The following SEMA3A variants were observed in gnomAD, a reference collection of about 807,000 sequenced individuals.
SEMA3A encodes the protein semaphorin 3A.
In SEMA3A, 29 loss-of-function variants were observed where a neutral mutation model predicts 97.9. The observed-to-expected ratio is 0.30, with a 90% CI of 0.22 to 0.40. The LOEUF (loss-of-function observed/expected upper bound fraction) is 0.40, where lower values mean the gene tolerates loss of function less well. Among genes scored for constraint, SEMA3A ranks in the 10% least tolerant of loss-of-function variants. The pLI is 1.00. For synonymous variants in SEMA3A, 321 were observed against 323.7 expected, an observed-to-expected ratio of 0.99 and a Z score of 0.09; for missense variants, 763 against 951.3, an observed-to-expected ratio of 0.80 and a Z score of 2.60.
At chr7:84,477,306 G>A (rs1806315935) in intron 1 of SEMA3A, among the ~76,000 whole-genome samples, 1 of 150,276 alleles carries the variant, frequency 6.7e-6, no homozygotes, top group African/African-American at 2.4e-5. Context: ...AGGCATGGTG[G>A]AGGGCACCTG....
chr7:84,158,015 C>T (rs1299139616), intron 1 of SEMA3A, among the ~76,000 whole-genome samples: 1 of 152,130 alleles, frequency 6.6e-6, no homozygotes, highest in African/African-American at 2.4e-5. Flanking sequence ...TCTTTCCTTA[C>T]ACTTAGAGAT....
At chr7:84,172,615 A>G (rs1157784494) in intron 1 of SEMA3A, among the ~76,000 whole-genome samples, 4 of 151,512 alleles carry the variant, frequency 2.6e-5, no homozygotes, top group Admixed American at 2.6e-4. Flanking sequence ...TTCAGTAGAG[A>G]CGGGGTTTCA....
intron 1 of SEMA3A, 46 bp downstream of exon 1, chr7:84,194,429 G>C: frequency 3.2e-6 from 4 of 1,257,206 alleles, no homozygotes; most frequent in Non-Finnish European, 4.6e-6. Flanking sequence ...TAAGGGGGGG[G>C]GCGGTTATTA....
intron 2 of SEMA3A, among the ~76,000 whole-genome samples, chr7:84,342,270 G>C (rs897196811): frequency 6.6e-6 from 1 of 152,110 alleles, no homozygotes; most frequent in Non-Finnish European, 1.5e-5. Flanking sequence ...CCCGAGCTCA[G>C]GTGATCTGCC....
rs2272221 is a variant in SEMA3A at position 84,014,371 on chromosome 7, G to A, written c.668-20C>T. On this transcript the variant is annotated intron_variant, in intron 6 of 16. Transcript: ENST00000265362. ...TTGGATCTGAGAGACAAATAATAGC[G>A]TATATATTAATTCACAGCTTAATAA... 0.34 allele frequency: 524,962 copies of A among 1,560,980 alleles called. 95,444 individuals carry two copies. The highest frequency in any genetic ancestry group is 0.69 in the African/African-American group (50,453 of 72,686).
chr7:84,258,337 G>A (rs1260549953), intron 3 of SEMA3A, among the ~76,000 whole-genome samples: 1 of 152,088 alleles, frequency 6.6e-6, no homozygotes, highest in African/African-American at 2.4e-5. Flanking sequence ...TGTATAATAG[G>A]TATTCATGGA....
At chr7:84,408,788 G>A (rs1318334178) in intron 1 of SEMA3A, among the ~76,000 whole-genome samples, 11 of 151,368 alleles carry the variant, frequency 7.3e-5, no homozygotes, top group South Asian at 2.1e-4. Context: ...GCAAACTATC[G>A]CAAGGACAAA....
intron 3 of SEMA3A, among the ~76,000 whole-genome samples, chr7:84,237,473 G>A (rs1799261659): frequency 6.6e-6 from 1 of 152,078 alleles, no homozygotes; most frequent in African/African-American, 2.4e-5. Context: ...AGAAGGGAGA[G>A]GAGGAAGGAG....
chr7:84,090,961 G>A (rs539996968), intron 4 of SEMA3A, among the ~76,000 whole-genome samples: 2 of 151,346 alleles, frequency 1.3e-5, no homozygotes, highest in South Asian at 2.1e-4. Flanking sequence ...CAACTACTCA[G>A]GAGGCTGAGG....
chr7:84,361,232 C>A (rs904567229), intron 2 of SEMA3A, among the ~76,000 whole-genome samples: 2 of 151,940 alleles, frequency 1.3e-5, no homozygotes, highest in African/African-American at 4.8e-5. Context: ...AGAGACAAAC[C>A]AGGAACATGT....
At chr7:84,212,639 G>C (rs936217157) in intron 3 of SEMA3A, among the ~76,000 whole-genome samples, 10 of 152,240 alleles carry the variant, frequency 6.6e-5, no homozygotes, top group African/African-American at 2.2e-4. Context: ...TCCTCTGTTG[G>C]AGAACTGATA....
At position 84,007,379 on chromosome 7, in the gene SEMA3A, T is replaced by G; in HGVS notation, c.1114A>C (p.Arg372=). ...GTTCCTGGCCGTGGATAGGGGACTC[T>G]TCCTTGATAAGGCACCCATTGATAG... ...PNYQWVPYQG[R]VPYPRPGTCP... The change falls in exon 10 of 17, where the codon AGA becomes CGA. Residue 372 remains arginine, a synonymous_variant. Transcript: ENST00000265362. The G allele has an allele frequency of 1.2e-6, 2 of 1,608,700 alleles. No homozygotes were observed. Among genetic ancestry groups the G allele is most frequent in the Non-Finnish European group, 1.7e-6 (2 of 1,177,444 alleles).
intron 2 of SEMA3A, among the ~76,000 whole-genome samples, chr7:84,315,175 G>A (rs1238283520): frequency 6.6e-6 from 1 of 152,044 alleles, no homozygotes; most frequent in Non-Finnish European, 1.5e-5. Context: ...GATTATAAAT[G>A]TAATCAGTAA....
chr7:84,095,034 T>TAC lies in SEMA3A; in HGVS notation c.453+15434_453+15435dup, dbSNP rs201130876. 3.7e-3 allele frequency among the ~76,000 whole-genome samples: 546 copies of TAC among 148,510 alleles called. 7 individuals are homozygous for TAC. Among genetic ancestry groups the TAC allele is most frequent in the African/African-American group, 0.011 (437 of 40,678 alleles). ...CCCACCATGAGTAAACATACACACT[T>TAC]ACACACACACACACACAAAATATAT... On this transcript the variant is annotated intron_variant, in intron 4 of 16. Transcript: ENST00000265362.
intron 12 of SEMA3A, among the ~76,000 whole-genome samples, chr7:83,998,949 A>G (rs1206288235): frequency 2.0e-5 from 3 of 152,142 alleles, no homozygotes; most frequent in Non-Finnish European, 2.9e-5. Context: ...TGATATCTCT[A>G]TATTATAGGA....
chr7:84,233,717 T>C (rs1389224207), intron 3 of SEMA3A, among the ~76,000 whole-genome samples: 1 of 152,032 alleles, frequency 6.6e-6, no homozygotes, highest in South Asian at 2.1e-4. Context: ...GAGTAGATTC[T>C]TCCTACTGTT....
At chr7:84,157,164 CA>C (rs756498247) in intron 1 of SEMA3A, among the ~76,000 whole-genome samples, 4 of 152,146 alleles carry the variant, frequency 2.6e-5, no homozygotes, top group African/African-American at 7.2e-5. Flanking sequence ...TGATTATTAA[CA>C]TGCCTTTGTG....
intron 4 of SEMA3A, among the ~76,000 whole-genome samples, chr7:84,062,527 A>G (rs1203679992): frequency 6.6e-6 from 1 of 152,200 alleles, no homozygotes; most frequent in East Asian, 1.9e-4. Context: ...CTCACTACGG[A>G]GTGCGAGACA....
intron 3 of SEMA3A, among the ~76,000 whole-genome samples, chr7:84,302,120 C>T (rs12707641): frequency 0.051 from 7,735 of 152,032 alleles, 230 homozygotes; most frequent in Middle Eastern, 0.082. Flanking sequence ...AAATCAACTA[C>T]TAATACACAT....
Sources: allele counts gnomAD v4.1 joint callset (sites outside exome capture counted in the v4.1 genomes callset), GRCh38; gene constraint gnomAD v4.1.1; transcripts MANE v1.5; gene names NCBI Gene and HGNC (gene_info 2026-07-23, HGNC 2026-07-21).